ZC3HAV1: variants seen among roughly 807,000 people sequenced by gnomAD.
ZC3HAV1 encodes zinc finger CCCH-type containing, antiviral 1.
Under a neutral mutation model 86.6 loss-of-function variants are expected in ZC3HAV1, and 41 were observed. The observed-to-expected ratio is 0.47, with a 90% confidence interval of 0.37 to 0.61. ZC3HAV1 has a LOEUF of 0.61. Among genes scored for constraint, ZC3HAV1 ranks in the 20% least tolerant of loss-of-function variants. The pLI is 0.00. For synonymous variants in ZC3HAV1, 421 were observed against 432.1 expected, an observed-to-expected ratio of 0.97 and a Z score of 0.32; for missense variants, 964 against 1,141.1, an observed-to-expected ratio of 0.84 and a Z score of 2.24.
intron 8 of ZC3HAV1, among the ~76,000 whole-genome samples, chr7:139,061,797 A>C (rs145901837): frequency 1.3e-5 from 2 of 152,252 alleles, no homozygotes; most frequent in Non-Finnish European, 2.9e-5. Context: ...TATGATAACC[A>C]AAAAGGAGAA....
intron 8 of ZC3HAV1, among the ~76,000 whole-genome samples, chr7:139,063,027 C>CAAAAAAAAAAAAAAAAAAAAAAAAAAAA (rs58859916): frequency 2.2e-4 from 15 of 68,086 alleles, no homozygotes; most frequent in South Asian, 6.6e-4. Flanking sequence ...GACTCTGTCT[C>CAAAAAAAAAAAAAAAAAAAAAAAAAAAA]AAAAAAAAAA....
At chr7:139,073,001 ATAAT>A in intron 7 of ZC3HAV1, among the ~76,000 whole-genome samples, 1 of 152,348 alleles carries the variant, frequency 6.6e-6, no homozygotes, top group Non-Finnish European at 1.5e-5. Context: ...TTCCTTAAAA[ATAAT>A]TAATATATGG....
At position 139,044,822 on chromosome 7, in the gene ZC3HAV1, C is replaced by T. The variant is rs1164067638; in HGVS notation, c.*2772G>A. On this transcript the variant is annotated 3_prime_UTR_variant, in exon 13 of 13. Coordinates refer to ENST00000242351, the MANE Select transcript of ZC3HAV1 (RefSeq NM_020119.4). ...GAATATATCCTCATTTTCTCCACTT[C>T]GACAACTGTACATTTTCTTGCATAG... 6.6e-6 allele frequency: 1 copy of T among 152,574 alleles called. No individual in the cohort carries two copies. The highest frequency in any genetic ancestry group is 1.5e-5 in the Non-Finnish European group (1 of 68,040). The allele number at this position is 152,574 out of a possible 1,614,324, so 9.5% of individuals were successfully genotyped here.
At chr7:139,086,333 TGAC>T (rs1817271569) in intron 2 of ZC3HAV1, among the ~76,000 whole-genome samples, 1 of 152,200 alleles carries the variant, frequency 6.6e-6, no homozygotes, top group African/African-American at 2.4e-5. Flanking sequence ...ATCTTAACTC[TGAC>T]GAGTGGAAAA....
chr7:139,097,420 A>T (rs375865254), intron 1 of ZC3HAV1, among the ~76,000 whole-genome samples: 5,780 of 78,628 alleles, frequency 0.074, 477 homozygotes, highest in Non-Finnish European at 0.092. Context: ...ATATATATAT[A>T]TATATATATT....
chr7:139,074,472 C>G (rs898652011), intron 6 of ZC3HAV1, among the ~76,000 whole-genome samples: 2 of 152,084 alleles, frequency 1.3e-5, no homozygotes, highest in African/African-American at 4.8e-5. Flanking sequence ...CACTTTCATT[C>G]TCTCAGGAAT....
At position 139,076,652 on chromosome 7, in the gene ZC3HAV1, G is replaced by A. The variant is rs114493202; in HGVS notation, c.1574-243C>T. Among the ~76,000 whole-genome samples, 409 of 152,232 alleles carry A rather than the reference G, an allele frequency of 2.7e-3. 2 individuals carry two copies. Among genetic ancestry groups the A allele is most frequent in the African/African-American group, 9.4e-3 (392 of 41,538 alleles). On this transcript the variant is annotated intron_variant, in intron 5 of 12. Coordinates refer to ENST00000242351, the MANE Select transcript of ZC3HAV1 (RefSeq NM_020119.4). ...CACATCTGTAATCCCACCACTCTGG[G>A]AGGCCGAAACAGGCGGATCATTTGA... is the stretch of plus-strand genomic sequence containing the variant.
chr7:139,088,770 A>G (rs947157673), intron 2 of ZC3HAV1, among the ~76,000 whole-genome samples: 3 of 152,242 alleles, frequency 2.0e-5, no homozygotes, highest in African/African-American at 7.2e-5. Context: ...GAAAGCAGCC[A>G]TAAACGAATA....
chr7:139,074,165 C>T (rs1381069369), intron 6 of ZC3HAV1, 135 bp from the exon 7 acceptor site: 1 of 768,544 alleles, frequency 1.3e-6, no homozygotes, highest in Non-Finnish European at 1.9e-6. Flanking sequence ...TCCATGGCTC[C>T]AGGTCCTACA....
In ZC3HAV1 at chr7:139,047,564, G is replaced by T; in HGVS notation, c.*30C>A. 1 of 1,612,752 alleles carries T rather than the reference G, an allele frequency of 6.2e-7. No individual in the cohort carries two copies. The highest frequency in any genetic ancestry group is 1.1e-5 in the South Asian group (1 of 90,630). On this transcript the variant is annotated 3_prime_UTR_variant, in exon 13 of 13. Coordinates refer to ENST00000242351, the MANE Select transcript of ZC3HAV1 (RefSeq NM_020119.4). Reference sequence around the variant, plus strand: ...TTCTGTAAAGGAACAGAATGGTTATGGCATCCTTCTGACGCTGTATTCATC... The same window carrying T: ...TTCTGTAAAGGAACAGAATGGTTATTGCATCCTTCTGACGCTGTATTCATC...
chr7:139,076,505 C>A, intron 5 of ZC3HAV1, 96 bp from the exon 6 acceptor site: 1 of 1,505,512 alleles, frequency 6.6e-7, no homozygotes, highest in East Asian at 2.3e-5. Context: ...CATGCCTGCC[C>A]TGCCCCCTGC....
intron 1 of ZC3HAV1, among the ~76,000 whole-genome samples, chr7:139,107,614 C>T (rs4732353): frequency 0.22 from 33,921 of 151,820 alleles, 3,973 homozygotes; most frequent in East Asian, 0.43. Flanking sequence ...ACCAGCCTGG[C>T]CAACATGGTG....
chr7:139,079,360 A>T (rs1817054427), intron 4 of ZC3HAV1, 110 bp downstream of exon 4: 1 of 1,594,338 alleles, frequency 6.3e-7, no homozygotes, highest in Admixed American at 1.7e-5. Flanking sequence ...AGCCAAAACC[A>T]GTGGCACCAG....
chr7:139,101,076 C>G (rs1403727722), intron 1 of ZC3HAV1, among the ~76,000 whole-genome samples: 4 of 152,302 alleles, frequency 2.6e-5, no homozygotes, highest in East Asian at 1.9e-4. Context: ...AGCTCCTAAC[C>G]GCGAGTGATC....
intron 12 of ZC3HAV1, among the ~76,000 whole-genome samples, chr7:139,051,933 T>C (rs1329342966): frequency 1.3e-5 from 2 of 152,170 alleles, no homozygotes; most frequent in Non-Finnish European, 2.9e-5. Context: ...TGTGATAAAC[T>C]ATTACTTATT....
intron 9 of ZC3HAV1, among the ~76,000 whole-genome samples, chr7:139,058,460 A>T (rs1232665195): frequency 6.6e-6 from 1 of 151,544 alleles, no homozygotes; most frequent in African/African-American, 2.4e-5. Flanking sequence ...CCCCCACAAA[A>T]AAACACCAAA....
rs1197644544 is a variant in ZC3HAV1, at chr7:139,047,185, TG to T, written c.*408del. ...CTACTAAAAAATACAAAAAATTAGC[TG>T]GGCGCGGCAGTGTGTGCCTGTAGTT... On this transcript the variant is annotated 3_prime_UTR_variant, in exon 13 of 13. Coordinates refer to ENST00000242351, the MANE Select transcript of ZC3HAV1 (RefSeq NM_020119.4). 3.5e-5 allele frequency: 7 copies of T among 200,744 alleles called. No homozygotes were observed. The highest frequency in any genetic ancestry group is 7.0e-5 in the Non-Finnish European group (7 of 100,094). 12.4% of individuals were successfully genotyped at this position (200,744 alleles called of 1,614,324 possible).
chr7:139,062,447 G>A (rs559301839), intron 8 of ZC3HAV1, among the ~76,000 whole-genome samples: 12 of 152,344 alleles, frequency 7.9e-5, no homozygotes, highest in Non-Finnish European at 1.5e-4. Context: ...CCCACAGGCA[G>A]AGGCTGGTCT....
intron 1 of ZC3HAV1, among the ~76,000 whole-genome samples, chr7:139,094,877 T>C (rs1458339746): frequency 6.6e-6 from 1 of 152,136 alleles, no homozygotes; most frequent in Non-Finnish European, 1.5e-5. Flanking sequence ...GTTAGATTCC[T>C]GAACTGGATG....
Sources: allele counts gnomAD v4.1 joint callset (sites outside exome capture counted in the v4.1 genomes callset), GRCh38; gene constraint gnomAD v4.1.1; transcripts MANE v1.5; gene names NCBI Gene and HGNC (gene_info 2026-07-23, HGNC 2026-07-21).